Variants in DNAH12 observed in about 807,000 individuals in gnomAD.
The protein encoded by DNAH12 is axonemal beta dynein heavy chain 12.
DNAH12 carries 285 observed loss-of-function variants against 371.5 expected under a neutral mutation model. The observed-to-expected ratio is 0.77, with a 90% CI of 0.70 to 0.85. DNAH12 has a LOEUF of 0.85. Ranked by LOEUF, DNAH12 falls within the 40% of genes least tolerant of loss-of-function variation. The probability of loss-of-function intolerance (pLI) is 0.00; values close to 1 mark genes in which losing one functional copy is unlikely to be tolerated. For missense variants in DNAH12, 3,611 were observed against 3,689.4 expected (o/e 0.98, Z 0.55); for synonymous variants, 1,200 against 1,213.0 (o/e 0.99, Z 0.22).
chr3:57,502,922 C>T (rs545694649), intron 9 of DNAH12, among the ~76,000 whole-genome samples: 34 of 152,198 alleles, frequency 2.2e-4, no homozygotes, highest in Non-Finnish European at 3.2e-4. Context: ...TCAGGCAATC[C>T]GCCCGCCTCA....
intron 12 of DNAH12, among the ~76,000 whole-genome samples, chr3:57,487,379 A>AG (rs1262919653): frequency 5.8e-4 from 84 of 143,748 alleles, no homozygotes; most frequent in African/African-American, 1.4e-3. Flanking sequence ...GAAAGAAAAA[A>AG]AAAAAGAAAG....
At chr3:57,311,045 A>G (rs901181065) in intron 66 of DNAH12, 95 bp from the exon 67 acceptor site, 1 of 892,414 alleles carries the variant, frequency 1.1e-6, no homozygotes, top group Non-Finnish European at 1.7e-6. Flanking sequence ...AAGGGGGTTG[A>G]AAGAATTATC....
At chr3:57,344,586 T>C (rs1354143523) in intron 60 of DNAH12, among the ~76,000 whole-genome samples, 1 of 152,188 alleles carries the variant, frequency 6.6e-6, no homozygotes, top group Non-Finnish European at 1.5e-5. Context: ...GTGGTATACA[T>C]ACACAATGGA....
chr3:57,412,908 C>T (rs977823024), intron 39 of DNAH12, among the ~76,000 whole-genome samples: 1 of 152,120 alleles, frequency 6.6e-6, no homozygotes, highest in Non-Finnish European at 1.5e-5. Flanking sequence ...CGTATTCTTA[C>T]CATATTGTTC....
Position 57,433,585 on chromosome 3 carries a change from G to A in DNAH12, c.4839+60C>T, listed in dbSNP as rs114441099. On this transcript the variant is annotated intron_variant, in intron 31 of 73. Transcript: ENST00000495027. ...GAGTAAAACTATGAAAATACTTCACGTTTCTTGTTTTAACAGGCACTTTCC... is the reference window on the plus strand; with the variant it reads ...GAGTAAAACTATGAAAATACTTCACATTTCTTGTTTTAACAGGCACTTTCC... 5,658 of 1,532,390 alleles carry A rather than the reference G, an allele frequency of 3.7e-3. 165 individuals are homozygous for A. The African/African-American group carries it at 0.068, about 19-fold the overall frequency. The allele number at this position is 1,532,390 out of a possible 1,614,324, so 94.9% of individuals were successfully genotyped here. A position where few individuals can be genotyped will look rare whatever the true frequency, so the allele number is the denominator to read the frequency against.
chr3:57,511,889 A>G (rs1417118724), intron 4 of DNAH12, among the ~76,000 whole-genome samples: 2 of 152,152 alleles, frequency 1.3e-5, no homozygotes, highest in Non-Finnish European at 2.9e-5. Context: ...AAAATAATTC[A>G]TACCTTCCAC....
At chr3:57,509,091 T>C in intron 6 of DNAH12, 49 bp downstream of exon 6, 1 of 1,478,300 alleles carries the variant, frequency 6.8e-7, no homozygotes, top group Non-Finnish European at 9.4e-7. Flanking sequence ...TTATTTTTTA[T>C]CTATATCAAA....
chr3:57,423,364 T>C (rs567546173), intron 35 of DNAH12, among the ~76,000 whole-genome samples: 1 of 152,300 alleles, frequency 6.6e-6, no homozygotes, highest in South Asian at 2.1e-4. Flanking sequence ...AACTTAGTTT[T>C]GTAAAAGGCG....
intron 58 of DNAH12, among the ~76,000 whole-genome samples, chr3:57,361,221 C>T (rs1023002199): frequency 8.6e-5 from 13 of 150,968 alleles, no homozygotes; most frequent in African/African-American, 2.4e-4. Context: ...GCATGGTGGG[C>T]GCCTGTAATC....
Position 57,293,929 on chromosome 3 carries a change from G to C in DNAH12, c.11735C>G (p.Pro3912Arg). The C allele has an allele frequency of 6.6e-7, 1 of 1,505,292 alleles. No individual in the cohort carries two copies. The highest frequency in any genetic ancestry group is 1.3e-5 in the South Asian group (1 of 76,306). 93.2% of individuals were successfully genotyped at this position (1,505,292 alleles called of 1,614,324 possible). Residue 3912 changes from proline to arginine, a missense_variant, in exon 74 of 74, where the codon CCC becomes CGC. Around this residue, in one of 3 missense-constraint regions of DNAH12, gnomAD observed 2,266 missense variants for 2,236.9 expected, o/e 1.01. Coordinates refer to ENST00000495027, the MANE Select transcript of DNAH12 (RefSeq NM_001366028.2). ...RIIKSDAYVC[P>R]LYKTSERKGT... ...TTTACGTTCACTTGTCTTGTAGAGG[G>C]GACAGACATAGGCATCCGACTTTAT...
chr3:57,443,320 G>A (rs2065368845), intron 29 of DNAH12, among the ~76,000 whole-genome samples: 2 of 152,098 alleles, frequency 1.3e-5, no homozygotes, highest in Non-Finnish European at 2.9e-5. Context: ...ATGTTGGCCA[G>A]GCTGGTCTCA....
intron 65 of DNAH12, 69 bp downstream of exon 65, chr3:57,322,273 AC>A: frequency 7.1e-7 from 1 of 1,405,112 alleles, no homozygotes; most frequent in Non-Finnish European, 9.4e-7. Context: ...GCATTATTAA[AC>A]AAAATTTTAC....
At chr3:57,434,172 C>G (rs967297628) in intron 30 of DNAH12, among the ~76,000 whole-genome samples, 1 of 152,174 alleles carries the variant, frequency 6.6e-6, no homozygotes, top group Non-Finnish European at 1.5e-5. Context: ...TGCCATAAAA[C>G]TATTAGTGTT....
At chr3:57,367,343 T>G (rs2063073255) in intron 56 of DNAH12, among the ~76,000 whole-genome samples, 2 of 149,852 alleles carry the variant, frequency 1.3e-5, no homozygotes, top group African/African-American at 4.9e-5. Flanking sequence ...AATAATAACA[T>G]ACAGAAAACA....
chr3:57,366,626 T>C (rs2063058077), intron 57 of DNAH12, 103 bp downstream of exon 57: 1 of 152,206 alleles, frequency 6.6e-6, no homozygotes, highest in Admixed American at 6.5e-5. Flanking sequence ...AGTAACAAAG[T>C]ATAAAATTTG....
At position 57,535,023 on chromosome 3, in the gene DNAH12, C is replaced by A. The variant is rs1163805672; in HGVS notation, c.170+7678G>T. Reference sequence around the variant, plus strand: ...CTTTATATGCATTTAATTCTCACAACATTCCTAAAACATACACACTATTTC... The same window carrying A: ...CTTTATATGCATTTAATTCTCACAAAATTCCTAAAACATACACACTATTTC... On this transcript the variant is annotated intron_variant, in intron 2 of 73. Coordinates refer to ENST00000495027, the MANE Select transcript of DNAH12 (RefSeq NM_001366028.2). Among the ~76,000 whole-genome samples the A allele has an allele frequency of 3.3e-5, 5 of 152,294 alleles. No individual in the cohort carries two copies. The South Asian group carries it at 1.0e-3, about 32-fold the overall frequency.
chr3:57,309,556 G>A (rs1384341845), intron 68 of DNAH12, 110 bp downstream of exon 68: 15 of 1,103,092 alleles, frequency 1.4e-5, no homozygotes, highest in Non-Finnish European at 1.7e-5. Context: ...TGCTTAGAGA[G>A]GCAAAGTTCT....
At chr3:57,383,000 G>A (rs1416719516) in intron 49 of DNAH12, among the ~76,000 whole-genome samples, 2 of 152,302 alleles carry the variant, frequency 1.3e-5, no homozygotes, top group Non-Finnish European at 2.9e-5. Flanking sequence ...AGTGATACTA[G>A]AATTCAGACA....
chr3:57,436,446 G>C (rs765742679), intron 30 of DNAH12, among the ~76,000 whole-genome samples: 12 of 152,140 alleles, frequency 7.9e-5, no homozygotes, highest in Non-Finnish European at 1.8e-4. Context: ...TACAGTGTTG[G>C]CTGTGTCTTC....
Sources: gnomAD v4.1 joint callset for allele counts (sites outside exome capture counted in the v4.1 genomes callset) on GRCh38, gnomAD v4.1.1 for gene constraint, gnomAD v4.1.1 regional missense constraint, MANE v1.5 for transcripts, NCBI Gene and HGNC (gene_info 2026-07-23, HGNC 2026-07-21) for gene names.